Variants in SLC9B2 observed in about 807,000 individuals in gnomAD.
SLC9B2 encodes sodium/hydrogen exchanger 9B2.
SLC9B2 carries 39 observed loss-of-function variants against 52.2 expected under a neutral mutation model. The observed-to-expected ratio is 0.75, with a 90% confidence interval of 0.58 to 0.98. The LOEUF (loss-of-function observed/expected upper bound fraction) is 0.98, where lower values mean the gene tolerates loss of function less well. Ranked by LOEUF, SLC9B2 falls within the 50% of genes least tolerant of loss-of-function variation. The pLI is 0.00. For synonymous variants in SLC9B2, 214 were observed against 227.0 expected, an observed-to-expected ratio of 0.94 and a Z score of 0.51; for missense variants, 626 against 637.5, an observed-to-expected ratio of 0.98 and a Z score of 0.19.
At chr4:103,066,603 G>A in intron 2 of SLC9B2, 96 bp from the exon 3 acceptor site, 1 of 1,177,986 alleles carries the variant, frequency 8.5e-7, no homozygotes, top group Non-Finnish European at 1.2e-6. Context: ...AAATTTCTAT[G>A]ACTAGCATCA....
rs1380609173 is a variant in SLC9B2 at position 103,057,851 on chromosome 4, A to G, written c.392T>C (p.Leu131Pro). The G allele has an allele frequency of 6.2e-7, 1 of 1,613,778 alleles. No individual in the cohort carries two copies. Among genetic ancestry groups the G allele is most frequent in the Non-Finnish European group, 8.5e-7 (1 of 1,179,968 alleles). The change falls in exon 4 of 12, where the codon CTT (leucine) becomes CCT (proline). Residue 131 changes from leucine to proline, a missense_variant. Leu to Pro is a moderately conservative substitution (Grantham distance 98, BLOSUM62 -3). Coordinates refer to ENST00000394785, the MANE Select transcript of SLC9B2 (RefSeq NM_178833.7). ...TGTAGGTAACTTAATAAGCCCCAAAAGTTTACCACCAATGATGGCACAATA... is the reference window on the plus strand; with the variant it reads ...TGTAGGTAACTTAATAAGCCCCAAAGGTTTACCACCAATGATGGCACAATA... ...LFYCAIIGGK[L>P]LGLIKLPTLP...
chr4:103,022,953 T>C lies in SLC9B2; in HGVS notation c.*3417A>G, dbSNP rs1010266940. Among the ~76,000 whole-genome samples, 1 of 152,174 alleles carries C rather than the reference T, an allele frequency of 6.6e-6. No individual in the cohort carries two copies. Among genetic ancestry groups the C allele is most frequent in the African/African-American group, 2.4e-5 (1 of 41,432 alleles). On this transcript the variant is annotated 3_prime_UTR_variant, in exon 12 of 12. Coordinates refer to ENST00000394785, the MANE Select transcript of SLC9B2 (RefSeq NM_178833.7). ...GAGTGAGAGGGTGAGAATGTGGCCATTGGCAAGCCAGGGAGAGAGACTTCA... is the reference window on the plus strand; with the variant it reads ...GAGTGAGAGGGTGAGAATGTGGCCACTGGCAAGCCAGGGAGAGAGACTTCA...
At chr4:103,054,129 T>C (rs113822412) in intron 4 of SLC9B2, among the ~76,000 whole-genome samples, 4 of 151,952 alleles carry the variant, frequency 2.6e-5, no homozygotes, top group African/African-American at 9.7e-5. Flanking sequence ...ATAAAAAAGG[T>C]GTAGGGACAT....
downstream of SLC9B2, among the ~76,000 whole-genome samples, chr4:103,018,952 ATG>A (rs1741575191): frequency 6.6e-6 from 1 of 152,180 alleles, no homozygotes; most frequent in South Asian, 2.1e-4. Context: ...TGAACTGCGC[ATG>A]TGAGGGATCT....
In SLC9B2 at chr4:103,047,162, C is replaced by G; in HGVS notation, c.778G>C (p.Gly260Arg). Residue 260 changes from glycine to arginine, a missense_variant, in exon 7 of 12, where the codon GGC becomes CGC. Transcript: ENST00000394785. Reference protein sequence around the residue: ...VPSMLLLQGGGYGVEKGVPTL... With the variant: ...VPSMLLLQGGRYGVEKGVPTL... ...GGGACACCCTTCTCAACACCATAGC[C>G]TCCTCCCTGCAAAAGGAGCATTGAA... 1 of 1,613,904 alleles carries G rather than the reference C, an allele frequency of 6.2e-7. No individual in the cohort carries two copies. Among genetic ancestry groups the G allele is most frequent in the Non-Finnish European group, 8.5e-7 (1 of 1,179,936 alleles).
downstream of SLC9B2, among the ~76,000 whole-genome samples, chr4:103,018,568 CAG>C (rs1385434078): frequency 2.0e-5 from 3 of 152,128 alleles, no homozygotes; most frequent in Non-Finnish European, 4.4e-5. Context: ...TAAGGAAAAT[CAG>C]AGAGTGGGGT....
At position 103,050,259 on chromosome 4, in the gene SLC9B2, C is replaced by T; in HGVS notation, c.566G>A (p.Gly189Asp). 6.3e-7 allele frequency: 1 copy of T among 1,596,258 alleles called. No homozygotes were observed. The highest frequency in any genetic ancestry group is 8.5e-7 in the Non-Finnish European group (1 of 1,173,420). Residue 189 changes from glycine to aspartate, a missense_variant, in exon 5 of 12, where the codon GGC becomes GAC. By Grantham distance (94) the Gly-to-Asp change is moderately conservative. Transcript: ENST00000394785. ...IALSIILVRA[G>D]LGLDSKALKK... ...TCATACCTTTGAATCCAGACCAAGG[C>T]CAGCACGAACCAGAATGATAGACAG...
At chr4:103,050,954 G>C (rs1224521594) in intron 4 of SLC9B2, among the ~76,000 whole-genome samples, 1 of 152,158 alleles carries the variant, frequency 6.6e-6, no homozygotes, top group African/African-American at 2.4e-5. Context: ...TTAGACACTA[G>C]AGTATGTATC....
chr4:103,020,371 G>C (rs1308749140), downstream of SLC9B2: 1 of 444,484 alleles, frequency 2.2e-6, no homozygotes. Context: ...AAAGTTTCCA[G>C]TAATAGAATC....
chr4:103,060,635 C>A (rs1745557896), intron 3 of SLC9B2, among the ~76,000 whole-genome samples: 1 of 147,456 alleles, frequency 6.8e-6, no homozygotes. Flanking sequence ...TCCCTTGGAA[C>A]TTTGTCTAAA....
chr4:103,026,431 T>C lies in SLC9B2; in HGVS notation c.1553A>G (p.Gln518Arg), dbSNP rs1157358367. The C allele has an allele frequency of 1.2e-6, 2 of 1,613,914 alleles. No individual in the cohort carries two copies. Among genetic ancestry groups the C allele is most frequent in the Non-Finnish European group, 1.7e-6 (2 of 1,179,880 alleles). Residue 518 changes from glutamine (Q) to arginine (R), a missense_variant, in exon 12 of 12, where the codon CAG becomes CGG. Coordinates refer to ENST00000394785, the MANE Select transcript of SLC9B2 (RefSeq NM_178833.7). ...LIGLLGPRLL[Q>R]KVEHQNKDEE... ...ATCTTTATTTTGATGTTCAACTTTC[T>C]GCAGAAGCCTGGGGCCCAGTAAACC...
At chr4:103,057,611 A>T (rs186548864) in intron 4 of SLC9B2, among the ~76,000 whole-genome samples, 190 bp downstream of exon 4, 26 of 152,250 alleles carry the variant, frequency 1.7e-4, no homozygotes, top group Admixed American at 1.5e-3. Context: ...ACGGGCCAGG[A>T]TAATTTAATT....
rs377337525 is a variant in SLC9B2, at chr4:103,024,530, C to G, written c.*1840G>C. On this transcript the variant is annotated 3_prime_UTR_variant, in exon 12 of 12. Transcript: ENST00000394785. ...GGTGAAAGCCATGGTGGATAGGGCT[C>G]GAACAGAAGTCTAATGAAGAGAGGA... is the stretch of plus-strand genomic sequence containing the variant. Among the ~76,000 whole-genome samples the G allele has an allele frequency of 2.0e-5, 3 of 152,064 alleles. No individual in the cohort carries two copies. The highest frequency in any genetic ancestry group is 2.9e-5 in the Non-Finnish European group (2 of 68,024).
chr4:103,056,083 C>T (rs543221478), intron 4 of SLC9B2, among the ~76,000 whole-genome samples: 3 of 151,362 alleles, frequency 2.0e-5, no homozygotes, highest in East Asian at 3.9e-4. Context: ...GGATTACAGG[C>T]GTGAGCCACC....
At chr4:103,070,395 G>C (rs543055774) in intron 1 of SLC9B2, among the ~76,000 whole-genome samples, 14 of 152,266 alleles carry the variant, frequency 9.2e-5, no homozygotes, top group African/African-American at 2.6e-4. Flanking sequence ...TCATAGAGAG[G>C]CTCTTAAGGA....
At chr4:103,046,101 A>AG (rs1160855211) in intron 7 of SLC9B2, among the ~76,000 whole-genome samples, 1 of 152,204 alleles carries the variant, frequency 6.6e-6, no homozygotes, top group Non-Finnish European at 1.5e-5. Context: ...GCAATGAGAC[A>AG]GGGTGGGATT....
chr4:103,057,800 C>A lies in SLC9B2; in HGVS notation c.442+1G>T. The A allele has an allele frequency of 6.2e-7, 1 of 1,612,752 alleles. No individual in the cohort carries two copies. The highest frequency in any genetic ancestry group is 8.5e-7 in the Non-Finnish European group (1 of 1,179,676). On this transcript the variant is annotated splice_donor_variant, in intron 4 of 11. Coordinates refer to ENST00000394785, the MANE Select transcript of SLC9B2 (RefSeq NM_178833.7). LOFTEE classifies it high-confidence loss of function. ...TAGAACAGGAAACATTTAGCACTTA[C>A]CAAGAAGAGAAGGCAGTGGAGGCAA...
intron 1 of SLC9B2, among the ~76,000 whole-genome samples, chr4:103,070,649 C>T (rs778905893): frequency 3.9e-5 from 6 of 152,170 alleles, no homozygotes; most frequent in Admixed American, 3.9e-4. Flanking sequence ...GCCATGTCAG[C>T]GAGGCTGGTC....
chr4:103,043,362 A>C lies in SLC9B2; in HGVS notation c.1080T>G (p.Pro360=). 2 of 1,613,932 alleles carry C rather than the reference A, an allele frequency of 1.2e-6. No individual in the cohort carries two copies. The highest frequency in any genetic ancestry group is 1.7e-5 in the Admixed American group (1 of 59,940). ...AVFSSVHFGF[P]GSGGLCTLVM... ...CCAACGTGCACAGTCCTCCTGATCC[A>C]GGGAAACCAAAATGCACACTGCTGA... The change falls in exon 9 of 12, where the codon CCT becomes CCG. Residue 360 remains proline, a synonymous_variant. Coordinates refer to ENST00000394785, the MANE Select transcript of SLC9B2 (RefSeq NM_178833.7).
Sources: allele counts gnomAD v4.1 joint callset (sites outside exome capture counted in the v4.1 genomes callset), GRCh38; gene constraint gnomAD v4.1.1; transcripts MANE v1.5; gene names NCBI Gene and HGNC (gene_info 2026-07-23, HGNC 2026-07-21).